Variants in FREM1 observed in about 807,000 individuals in gnomAD.
FREM1 encodes the protein FRAS1-related extracellular matrix protein 1.
A neutral mutation model predicts 210.1 loss-of-function variants in FREM1; 220 were observed. The ratio of observed to expected loss-of-function variants is 1.05; its 90% confidence interval spans 0.94 to 1.17. The LOEUF is 1.17. FREM1 is among the 50% of genes most tolerant of loss of function. The pLI is 0.00. For missense variants in FREM1, 3,454 were observed against 2,675.5 expected, an observed-to-expected ratio of 1.29 and a Z score of -6.42; for synonymous variants, 1,189 against 980.2, an observed-to-expected ratio of 1.21 and a Z score of -3.98.
chr9:14,825,205 A>C (rs1185266900), intron 10 of FREM1, among the ~76,000 whole-genome samples: 1 of 152,018 alleles, frequency 6.6e-6, no homozygotes, highest in Non-Finnish European at 1.5e-5. Context: ...TTATTATCAC[A>C]GGCCAGGTGC....
At chr9:14,806,517 G>C (rs556493540) in intron 18 of FREM1, 144 bp downstream of exon 18, 2 of 604,624 alleles carry the variant, frequency 3.3e-6, no homozygotes, top group East Asian at 5.7e-5. Context: ...GCCTCCCAAA[G>C]TGCTGGGATT....
chr9:14,859,947 A>C (rs1348667835), intron 3 of FREM1, among the ~76,000 whole-genome samples: 4 of 152,186 alleles, frequency 2.6e-5, no homozygotes, highest in Admixed American at 2.0e-4. Flanking sequence ...TGCCCAGCTC[A>C]GTGCTTGGCA....
chr9:14,827,904 C>G lies in FREM1; in HGVS notation c.1882-2912G>C, dbSNP rs925770734. ...CCACTTGAGCCACCACTCTGGAGAA[C>G]ACAAGAAGTAGGCCTTGGCACAAAT... On this transcript the variant is annotated intron_variant, in intron 10 of 36. Transcript: ENST00000380880. Among the ~76,000 whole-genome samples, 13 of 152,246 alleles carry G rather than the reference C, an allele frequency of 8.5e-5. No individual in the cohort carries two copies. In the South Asian group the frequency reaches 2.5e-3, roughly 29 times the overall value.
chr9:14,748,683 A>T, intron 30 of FREM1, 44 bp from the exon 31 acceptor site: 4 of 1,254,464 alleles, frequency 3.2e-6, no homozygotes, highest in Non-Finnish European at 4.6e-6. Flanking sequence ...ATTTTACACA[A>T]ACAGATAAGG....
intron 6 of FREM1, among the ~76,000 whole-genome samples, chr9:14,849,070 T>A (rs1285871949): frequency 6.6e-6 from 1 of 152,204 alleles, no homozygotes; most frequent in Admixed American, 6.5e-5. Flanking sequence ...CCTTCCCACA[T>A]TCAGTCACTT....
intron 29 of FREM1, 46 bp from the exon 30 acceptor site, chr9:14,750,322 T>A (rs763374133): frequency 8.7e-5 from 128 of 1,468,928 alleles, no homozygotes; most frequent in Non-Finnish European, 1.1e-4. Context: ...GCTATTTCAA[T>A]CACCTAGGTG....
chr9:14,884,672 T>C (rs535951604), intron 1 of FREM1, among the ~76,000 whole-genome samples: 2 of 152,262 alleles, frequency 1.3e-5, no homozygotes, highest in Non-Finnish European at 2.9e-5. Context: ...GATATAAACA[T>C]GATACTCCTG....
In FREM1 at chr9:14,764,516, A is replaced by G. The variant is rs552717098; in HGVS notation, c.5205-4615T>C. ...GGCATTGATAAATGAGCATTCTAAC[A>G]TAATTCATAATTTCTTAAAACATAT... On this transcript the variant is annotated intron_variant, in intron 27 of 36. Transcript: ENST00000380880. Among the ~76,000 whole-genome samples the G allele has an allele frequency of 5.9e-4, 90 of 152,334 alleles. 1 individual carries two copies. Among genetic ancestry groups the G allele is most frequent in the African/African-American group, 2.0e-3 (83 of 41,582 alleles).
chr9:14,841,019 G>A (rs559935801), intron 10 of FREM1, among the ~76,000 whole-genome samples: 9 of 152,258 alleles, frequency 5.9e-5, no homozygotes, highest in Middle Eastern at 3.4e-3. Context: ...TAACTCTAAA[G>A]GAAGGTTCTA....
chr9:14,804,874 C>G (rs892183603), intron 19 of FREM1, 82 bp downstream of exon 19: 6 of 1,028,400 alleles, frequency 5.8e-6, no homozygotes, highest in Non-Finnish European at 9.0e-6. Flanking sequence ...TGTTAATGCA[C>G]TTGGAGCAAT....
At chr9:14,759,533 T>TA (rs1845076996) in intron 28 of FREM1, among the ~76,000 whole-genome samples, 2 of 150,304 alleles carry the variant, frequency 1.3e-5, no homozygotes, top group Admixed American at 1.3e-4. Flanking sequence ...ATAATAATAA[T>TA]ATCTCTTGTG....
intron 6 of FREM1, among the ~76,000 whole-genome samples, chr9:14,850,058 G>A (rs1477067448): frequency 1.3e-5 from 2 of 152,156 alleles, no homozygotes; most frequent in Non-Finnish European, 2.9e-5. Context: ...TAACCCCAGG[G>A]ACGATCATTT....
intron 1 of FREM1, among the ~76,000 whole-genome samples, chr9:14,892,959 C>T (rs9776139): frequency 0.24 from 36,866 of 151,984 alleles, 4,819 homozygotes; most frequent in East Asian, 0.47. Context: ...GCCGGGGGCA[C>T]GTTTGAGCCT....
intron 1 of FREM1, among the ~76,000 whole-genome samples, chr9:14,887,346 G>A (rs573677033): frequency 1.6e-4 from 25 of 152,324 alleles, no homozygotes; most frequent in African/African-American, 5.8e-4. Context: ...AGAGCTGTGG[G>A]AGAAACAAGC....
In FREM1 at chr9:14,747,386, G is replaced by C. The variant is rs1316392600; in HGVS notation, c.5887C>G (p.Pro1963Ala). The C allele has an allele frequency of 6.2e-7, 1 of 1,613,530 alleles. No individual in the cohort carries two copies. The change falls in exon 33 of 37, where the codon CCA becomes GCA. Residue 1963 changes from proline (P) to alanine (A), a missense_variant. Pro to Ala is a conservative substitution (Grantham distance 27, BLOSUM62 -1). Coordinates refer to ENST00000380880, the MANE Select transcript of FREM1 (RefSeq NM_001379081.2). The part of the protein sequence containing the change: ...VSLKLEDDSF[P>A]THKRKAKVSI... ...ACTTTGGCCTTCCTTTTGTGAGTTGGGAAACTGTCATCCTCCAGTTTCAAG... is the reference window on the plus strand; with the variant it reads ...ACTTTGGCCTTCCTTTTGTGAGTTGCGAAACTGTCATCCTCCAGTTTCAAG...
At chr9:14,799,422 G>A (rs949811735) in intron 20 of FREM1, among the ~76,000 whole-genome samples, 3 of 152,100 alleles carry the variant, frequency 2.0e-5, no homozygotes, top group African/African-American at 7.2e-5. Flanking sequence ...ATGAACCACA[G>A]ATAAAATAGA....
intron 21 of FREM1, among the ~76,000 whole-genome samples, chr9:14,794,941 T>C (rs1272455126): frequency 7.0e-6 from 1 of 143,612 alleles, no homozygotes; most frequent in Non-Finnish European, 1.5e-5. Flanking sequence ...GAGCTTGCAG[T>C]GAACCAACAT....
In FREM1 at chr9:14,842,222, C is replaced by T. The variant is rs558593471; in HGVS notation, c.1738+94G>A. 755 of 765,978 alleles carry T rather than the reference C, an allele frequency of 9.9e-4. 5 individuals are homozygous for T. The highest frequency in any genetic ancestry group is 6.4e-3 in the South Asian group (329 of 51,494). 47.4% of individuals were successfully genotyped at this position (765,978 alleles called of 1,614,324 possible). On this transcript the variant is annotated intron_variant, in intron 9 of 36. Transcript: ENST00000380880. ...CTTGATGTTCACCTTAGGACAAACT[C>T]GGACACAATTTCAGCAAACCCAGAA... is the stretch of plus-strand genomic sequence containing the variant.
chr9:14,877,028 C>A (rs1833884340), intron 1 of FREM1, among the ~76,000 whole-genome samples: 1 of 152,172 alleles, frequency 6.6e-6, no homozygotes, highest in East Asian at 1.9e-4. Context: ...ACTCCACACT[C>A]CTGCAGTCCT....
Sources: gnomAD v4.1 joint callset for allele counts (sites outside exome capture counted in the v4.1 genomes callset) on GRCh38, gnomAD v4.1.1 for gene constraint, MANE v1.5 for transcripts, NCBI Gene and HGNC (gene_info 2026-07-23, HGNC 2026-07-21) for gene names.